ZFPM1: variants seen among roughly 807,000 people sequenced by gnomAD.
ZFPM1 encodes the protein zinc finger protein, FOG family member 1.
A neutral mutation model predicts 46.3 loss-of-function variants in ZFPM1; 28 were observed. That is an observed-to-expected ratio of 0.60 (90% CI 0.45 to 0.83). ZFPM1 has a LOEUF of 0.83. ZFPM1 is among the 40% of genes least tolerant of loss of function. The pLI, the probability that ZFPM1 is intolerant of heterozygous loss-of-function variation, is 0.00. For missense variants in ZFPM1, 1,878 were observed against 1,432.4 expected, an observed-to-expected ratio of 1.31 and a Z score of -5.02; for synonymous variants, 957 against 675.9, an observed-to-expected ratio of 1.42 and a Z score of -6.45.
chr16:88,482,496 G>T (rs1164194796), intron 1 of ZFPM1, among the ~76,000 whole-genome samples: 1 of 152,194 alleles, frequency 6.6e-6, no homozygotes, highest in Admixed American at 6.5e-5. Context: ...TGTGGAGCAG[G>T]AGCCTTTGTT....
intron 4 of ZFPM1, among the ~76,000 whole-genome samples, chr16:88,515,219 G>A (rs1017258713): frequency 6.6e-5 from 10 of 152,220 alleles, no homozygotes; most frequent in African/African-American, 1.9e-4. Context: ...CATCATGGGC[G>A]GCATAGGGTC....
rs187100048 is a variant in ZFPM1, at chr16:88,475,124, A to T, written c.41-10815A>T. The stretch of plus-strand genomic sequence containing the variant: ...GGGCTGTGCATTCGTGTTGATGGGG[A>T]TCTGGTCAGAGGGAGCCACAGCTCC... On this transcript the variant is annotated intron_variant, in intron 1 of 9. Coordinates refer to ENST00000319555, the MANE Select transcript of ZFPM1 (RefSeq NM_153813.3). Among the ~76,000 whole-genome samples, 21 of 152,316 alleles carry T rather than the reference A, an allele frequency of 1.4e-4. No individual in the cohort carries two copies. In the East Asian group the frequency reaches 3.9e-3, roughly 28 times the overall value.
chr16:88,508,901 G>A (rs1489373635), intron 3 of ZFPM1, among the ~76,000 whole-genome samples: 1 of 152,206 alleles, frequency 6.6e-6, no homozygotes, highest in Non-Finnish European at 1.5e-5. Flanking sequence ...GGCCCCGCGG[G>A]GTTTGCCTGC....
intron 4 of ZFPM1, chr16:88,516,233 G>T (rs1018677360): frequency 5.0e-6 from 2 of 398,502 alleles, no homozygotes; most frequent in Non-Finnish European, 8.8e-6. Context: ...GCTCCTTAAT[G>T]GTAGGGCTGA....
At chr16:88,510,700 G>T (rs948871166) in intron 3 of ZFPM1, among the ~76,000 whole-genome samples, 2 of 152,180 alleles carry the variant, frequency 1.3e-5, no homozygotes, top group African/African-American at 4.8e-5. Context: ...GGGAAACTGA[G>T]GTCAGAGCAG....
chr16:88,487,944 T>C (rs1449900586), intron 2 of ZFPM1, among the ~76,000 whole-genome samples: 2 of 152,222 alleles, frequency 1.3e-5, no homozygotes, highest in Non-Finnish European at 2.9e-5. Flanking sequence ...TCCCTGTCCT[T>C]GCCGCCGTCC....
At chr16:88,521,850 C>T (rs1911928790) in intron 4 of ZFPM1, among the ~76,000 whole-genome samples, 1 of 149,280 alleles carries the variant, frequency 6.7e-6, no homozygotes, top group African/African-American at 2.5e-5. Flanking sequence ...TGTTCCCTCT[C>T]CATGCTGTTC....
Position 88,534,242 on chromosome 16 carries a change from C to G in ZFPM1, c.2284C>G (p.His762Asp). 9.9e-7 allele frequency: 1 copy of G among 1,005,802 alleles called. No individual in the cohort carries two copies. Among genetic ancestry groups the G allele is most frequent in the Non-Finnish European group, 1.2e-6 (1 of 845,318 alleles). The allele number at this position is 1,005,802 out of a possible 1,614,324, so 62.3% of individuals were successfully genotyped here. A position where few individuals can be genotyped will look rare whatever the true frequency, so the allele number is the denominator to read the frequency against. ...CGCCCCGCCCCCCCCGCCGCCCGGC[C>G]ACGCCCCCGCGCCCGAGTCGCCGCG... ...AGAPPPPPPG[H>D]APAPESPRPG... is the part of the protein sequence containing the mutation. The change falls in exon 10 of 10, where the codon CAC (histidine) becomes GAC (aspartate). Residue 762 changes from histidine (H) to aspartate (D), a missense_variant. By Grantham distance (81) the His-to-Asp change is moderately conservative. Coordinates refer to ENST00000319555, the MANE Select transcript of ZFPM1 (RefSeq NM_153813.3).
intron 1 of ZFPM1, among the ~76,000 whole-genome samples, chr16:88,454,275 C>G (rs1465963329): frequency 6.6e-6 from 1 of 152,166 alleles, no homozygotes; most frequent in Non-Finnish European, 1.5e-5. Context: ...GAGGGGGTAG[C>G]GCGCAGCTGC....
intron 3 of ZFPM1, among the ~76,000 whole-genome samples, chr16:88,501,884 G>A (rs368344038): frequency 1.1e-3 from 171 of 152,126 alleles, no homozygotes; most frequent in South Asian, 5.8e-3. Context: ...ACCCCAGCCC[G>A]CGAGGGGGCT....
At chr16:88,454,767 G>T (rs951726074) in intron 1 of ZFPM1, among the ~76,000 whole-genome samples, 1 of 152,234 alleles carries the variant, frequency 6.6e-6, no homozygotes, top group Non-Finnish European at 1.5e-5. Context: ...CCTCCCCGGG[G>T]CGCCTCCCCG....
rs778312758 is a variant in ZFPM1 at position 88,514,371 on chromosome 16, C to T, written c.269-16C>T. Reference sequence around the variant, plus strand: ...CCAGACCGGGCACGCCTCATGCCTGCGATGTCTCTCTGCAGACGAGCTGGA... The same window carrying T: ...CCAGACCGGGCACGCCTCATGCCTGTGATGTCTCTCTGCAGACGAGCTGGA... On this transcript the variant is annotated splice_polypyrimidine_tract_variant and intron_variant, in intron 3 of 9. Transcript: ENST00000319555. The T allele has an allele frequency of 2.9e-5, 45 of 1,561,900 alleles. No individual in the cohort carries two copies. Among genetic ancestry groups the T allele is most frequent in the East Asian group, 4.8e-5 (2 of 42,022 alleles).
chr16:88,485,852 G>T, intron 1 of ZFPM1, 87 bp from the exon 2 acceptor site: 1 of 1,296,098 alleles, frequency 7.7e-7, no homozygotes, highest in East Asian at 2.4e-5. Context: ...CCTGGGCACC[G>T]GGGCTGTACC....
intron 1 of ZFPM1, among the ~76,000 whole-genome samples, chr16:88,455,180 C>T (rs983270553): frequency 1.4e-4 from 21 of 145,690 alleles, no homozygotes; most frequent in African/African-American, 5.0e-4. Context: ...TGTGGTGTTT[C>T]ACTGTGATGA....
intron 3 of ZFPM1, among the ~76,000 whole-genome samples, chr16:88,500,291 C>T (rs73259769): frequency 0.01 from 1,545 of 152,310 alleles, 19 homozygotes; most frequent in African/African-American, 0.036. Context: ...GCCGCATGGC[C>T]GGGGACACAG....
In ZFPM1 at chr16:88,506,710, C is replaced by A. The variant is rs572928092; in HGVS notation, c.269-7677C>A. Among the ~76,000 whole-genome samples, 425 of 151,814 alleles carry A rather than the reference C, an allele frequency of 2.8e-3. 3 individuals carry two copies. The highest frequency in any genetic ancestry group is 9.0e-3 in the Admixed American group (137 of 15,274). The stretch of plus-strand genomic sequence containing the variant: ...GGTGTGCAGCTCCCAGGCTCCTCTG[C>A]GCCTCTCCCAGACCCAGCCCTCCTG... On this transcript the variant is annotated intron_variant, in intron 3 of 9. Coordinates refer to ENST00000319555, the MANE Select transcript of ZFPM1 (RefSeq NM_153813.3).
At chr16:88,512,798 C>T (rs530674910) in intron 3 of ZFPM1, among the ~76,000 whole-genome samples, 65 of 152,220 alleles carry the variant, frequency 4.3e-4, no homozygotes, top group African/African-American at 1.4e-3. Context: ...TGCCCACCCC[C>T]GAGGCCTGGC....
intron 3 of ZFPM1, among the ~76,000 whole-genome samples, chr16:88,505,110 G>C (rs1039465229): frequency 6.6e-6 from 1 of 152,242 alleles, no homozygotes; most frequent in Admixed American, 6.5e-5. Flanking sequence ...ACCAGCTGGC[G>C]GGTGGGCGGG....
intron 3 of ZFPM1, among the ~76,000 whole-genome samples, chr16:88,490,407 C>T (rs1909496600): frequency 6.6e-6 from 1 of 152,220 alleles, no homozygotes; most frequent in African/African-American, 2.4e-5. Flanking sequence ...GAGCAGATGG[C>T]CGATGCAGAG....
Sources: allele counts gnomAD v4.1 joint callset (sites outside exome capture counted in the v4.1 genomes callset), GRCh38; gene constraint gnomAD v4.1.1; transcripts MANE v1.5; gene names NCBI Gene and HGNC (gene_info 2026-07-23, HGNC 2026-07-21).